KIF7: variants seen among roughly 807,000 people sequenced by gnomAD.
KIF7 encodes kinesin family member 7.
A neutral mutation model predicts 135.7 loss-of-function variants in KIF7; 104 were observed. That is an observed-to-expected ratio of 0.77 (90% CI 0.65 to 0.90). The LOEUF is 0.90. Ranked by LOEUF, KIF7 falls within the 40% of genes least tolerant of loss-of-function variation. KIF7 has a pLI of 0.00. For missense variants in KIF7, 2,005 were observed against 1,839.1 expected, an observed-to-expected ratio of 1.09 and a Z score of -1.65; for synonymous variants, 883 against 809.4, an observed-to-expected ratio of 1.09 and a Z score of -1.54.
In KIF7 at chr15:89,633,896, C is replaced by G. The variant is rs750368264; in HGVS notation, c.2395-13G>C. The G allele has an allele frequency of 1.2e-6, 2 of 1,613,560 alleles. No individual in the cohort carries two copies. Among genetic ancestry groups the G allele is most frequent in the Non-Finnish European group, 8.5e-7 (1 of 1,179,996 alleles). On this transcript the variant is annotated splice_polypyrimidine_tract_variant and intron_variant, in intron 11 of 18. Transcript: ENST00000394412. Reference sequence around the variant, plus strand: ...TCTCCTTCAGCACCTGGGACCCACACAGTCTTCACTGGGCCATGCACGGGG... The same window carrying G: ...TCTCCTTCAGCACCTGGGACCCACAGAGTCTTCACTGGGCCATGCACGGGG...
At chr15:89,652,242 T>C (rs1964135395) in intron 2 of KIF7, among the ~76,000 whole-genome samples, 1 of 152,108 alleles carries the variant, frequency 6.6e-6, no homozygotes, top group African/African-American at 2.4e-5. Flanking sequence ...ACGGCCCCCA[T>C]TCCCAACTGC....
At chr15:89,651,890 G>A (rs780439732) in intron 2 of KIF7, among the ~76,000 whole-genome samples, 81 of 152,176 alleles carry the variant, frequency 5.3e-4, no homozygotes, top group Non-Finnish European at 1.0e-3. Context: ...AGAGAGCTGA[G>A]AGAGACCCCT....
At position 89,642,341 on chromosome 15, in the gene KIF7, TGCCTCCTGCTCC is replaced by T; in HGVS notation, c.2244_2255del (p.Glu751_Gln754del). 6.2e-7 allele frequency: 1 copy of T among 1,610,560 alleles called. No homozygotes were observed. The highest frequency in any genetic ancestry group is 8.5e-7 in the Non-Finnish European group (1 of 1,179,058). ...CACTCAGCTCGGCCCGCACCTGCTC[TGCCTCCTGCTCC>T]AGCTCCCGGATACGCTGGCTGTGCT... On this transcript the variant is annotated inframe_deletion, in exon 11 of 19. Coordinates refer to ENST00000394412, the MANE Select transcript of KIF7 (RefSeq NM_198525.3).
chr15:89,644,574 A>G (rs1178977295), intron 10 of KIF7, among the ~76,000 whole-genome samples: 2 of 151,840 alleles, frequency 1.3e-5, no homozygotes, highest in Non-Finnish European at 2.9e-5. Flanking sequence ...AATCCCAGCT[A>G]CTCGGGAGGC....
At chr15:89,661,726 T>A in the KIF7 span, among the ~76,000 whole-genome samples, 1 of 138,612 alleles carries the variant, frequency 7.2e-6, no homozygotes, top group Non-Finnish European at 1.5e-5. Context: ...GTAACTAACT[T>A]TTTTTTTTTT....
chr15:89,645,637 G>A lies in KIF7; in HGVS notation c.1923-186C>T, dbSNP rs894158. ...GAGTTTTAGGAGGTACAGGGCAGCT[G>A]GGGGCATAGAGGGCCACCCTGGAGG... is the stretch of plus-strand genomic sequence containing the variant. On this transcript the variant is annotated intron_variant, in intron 8 of 18. Coordinates refer to ENST00000394412, the MANE Select transcript of KIF7 (RefSeq NM_198525.3). 0.01 allele frequency among the ~76,000 whole-genome samples: 1,531 copies of A among 152,246 alleles called. 27 individuals carry two copies. The highest frequency in any genetic ancestry group is 0.035 in the African/African-American group (1,450 of 41,528).
At chr15:89,628,863 A>G in intron 18 of KIF7, 77 bp from the exon 19 acceptor site, 3 of 1,610,464 alleles carry the variant, frequency 1.9e-6, no homozygotes, top group Non-Finnish European at 2.5e-6. Context: ...CCAGTGCCCC[A>G]GCACAATAAG....
At chr15:89,644,631 G>C (rs1963978421) in intron 10 of KIF7, among the ~76,000 whole-genome samples, 1 of 152,114 alleles carries the variant, frequency 6.6e-6, no homozygotes, top group Admixed American at 6.5e-5. Flanking sequence ...GTTGCAGTGA[G>C]CCAAGATCAC....
intron 3 of KIF7, 52 bp from the exon 4 acceptor site, chr15:89,649,419 A>G (rs939675268): frequency 4.9e-6 from 7 of 1,439,974 alleles, no homozygotes; most frequent in Non-Finnish European, 6.4e-6. Flanking sequence ...CAGACTGACC[A>G]GCCAGGAGGG....
upstream of KIF7, among the ~76,000 whole-genome samples, chr15:89,657,140 C>T (rs1964215013): frequency 6.6e-6 from 1 of 151,798 alleles, no homozygotes; most frequent in African/African-American, 2.4e-5. Flanking sequence ...AAGCTGTTTC[C>T]ACAAAAAATG....
Position 89,634,737 on chromosome 15 carries a change from G to A in KIF7, c.2395-854C>T, listed in dbSNP as rs376968352. 2.0e-5 allele frequency among the ~76,000 whole-genome samples: 3 copies of A among 152,366 alleles called. No homozygotes were observed. In the South Asian group the frequency reaches 6.2e-4, roughly 32 times the overall value. On this transcript the variant is annotated intron_variant, in intron 11 of 18. Coordinates refer to ENST00000394412, the MANE Select transcript of KIF7 (RefSeq NM_198525.3). Reference sequence around the variant, plus strand: ...TCGGAGATCAAACTGCAAGGTGGCAGCGAGGCTGGGGGAGGGGTGCCCACC... The same window carrying A: ...TCGGAGATCAAACTGCAAGGTGGCAACGAGGCTGGGGGAGGGGTGCCCACC...
chr15:89,642,679 G>C (rs907308929), intron 10 of KIF7, among the ~76,000 whole-genome samples: 6 of 152,150 alleles, frequency 3.9e-5, no homozygotes, highest in African/African-American at 1.4e-4. Flanking sequence ...AAGTGATTCT[G>C]CTGCCTCAGC....
upstream of KIF7, among the ~76,000 whole-genome samples, chr15:89,658,420 A>G (rs1964227502): frequency 6.6e-6 from 1 of 152,150 alleles, no homozygotes; most frequent in Admixed American, 6.5e-5. Context: ...ACGGCACTCC[A>G]GCCTGGATGA....
chr15:89,652,533 CAA>C, intron 2 of KIF7, 68 bp downstream of exon 2: 4 of 1,201,354 alleles, frequency 3.3e-6, no homozygotes, highest in Non-Finnish European at 4.6e-6. Context: ...AGCAAGAGGA[CAA>C]GGCAGAAATC....
chr15:89,640,320 A>G (rs1442729793), intron 11 of KIF7, among the ~76,000 whole-genome samples: 1 of 136,070 alleles, frequency 7.3e-6, no homozygotes, highest in East Asian at 2.1e-4. Context: ...AATAATAATA[A>G]TAACAGTATA....
At chr15:89,647,504 C>T in intron 6 of KIF7, 92 bp downstream of exon 6, 1 of 1,145,212 alleles carries the variant, frequency 8.7e-7, no homozygotes, top group South Asian at 1.2e-5. Flanking sequence ...AGTACCCTAC[C>T]CTAACTCCCT....
At chr15:89,630,619 A>G in intron 15 of KIF7, 126 bp from the exon 16 acceptor site, 1 of 803,704 alleles carries the variant, frequency 1.2e-6, no homozygotes, top group South Asian at 1.5e-5. Context: ...CCAAGGGCCA[A>G]GTCAGCCCAT....
upstream of KIF7, among the ~76,000 whole-genome samples, chr15:89,657,379 G>A (rs1341965282): frequency 2.0e-5 from 3 of 149,738 alleles, no homozygotes; most frequent in Non-Finnish European, 4.4e-5. Context: ...TAATTAAATT[G>A]TAGAGAAAAT....
At chr15:89,653,102 A>C in intron 1 of KIF7, 148 bp from the exon 2 acceptor site, 1 of 614,204 alleles carries the variant, frequency 1.6e-6, no homozygotes, top group East Asian at 2.8e-5. Flanking sequence ...CCCCATGTCC[A>C]ACCTGGTGCT....
Sources: allele counts gnomAD v4.1 joint callset (sites outside exome capture counted in the v4.1 genomes callset), GRCh38; gene constraint gnomAD v4.1.1; transcripts MANE v1.5; gene names NCBI Gene and HGNC (gene_info 2026-07-23, HGNC 2026-07-21).